NFATC2: variants seen among roughly 807,000 people sequenced by gnomAD.
NFATC2 encodes the protein nuclear factor of activated T cells 2.
NFATC2 carries 22 observed loss-of-function variants against 87.3 expected under a neutral mutation model. The ratio of observed to expected loss-of-function variants is 0.25; its 90% CI spans 0.18 to 0.36. NFATC2 has a LOEUF of 0.36. Ranked by LOEUF, NFATC2 falls within the 10% of genes least tolerant of loss-of-function variation. The probability of loss-of-function intolerance (pLI) is 1.00; values close to 1 mark genes in which losing one functional copy is unlikely to be tolerated. For missense variants in NFATC2, 1,149 were observed against 1,259.1 expected, an observed-to-expected ratio of 0.91 and a Z score of 1.32; for synonymous variants, 565 against 542.2, an observed-to-expected ratio of 1.04 and a Z score of -0.58.
chr20:51,546,234 A>G (rs1282547947), upstream of NFATC2, among the ~76,000 whole-genome samples: 7 of 152,168 alleles, frequency 4.6e-5, no homozygotes, highest in Admixed American at 1.3e-4. Context: ...AGTCTGGACT[A>G]TTGTAGTCAG....
At position 51,524,155 on chromosome 20, in the gene NFATC2, CAG is replaced by C. The variant is rs2076505115; in HGVS notation, c.131-47_131-46del. ...GGGGGTTCTTTTTAAGCCTCAAAAA[CAG>C]AACTCCCGGTGCAGAGCAATCACAG... is the stretch of plus-strand genomic sequence containing the variant. On this transcript the variant is annotated intron_variant, in intron 1 of 10. Coordinates refer to ENST00000371564, the MANE Select transcript of NFATC2 (RefSeq NM_012340.5). The surrounding 1 kb of genome is among the most constrained non-coding windows in gnomAD (Gnocchi z 4.0). The C allele has an allele frequency of 4.2e-6, 6 of 1,417,238 alleles. No homozygotes were observed. Among genetic ancestry groups the C allele is most frequent in the African/African-American group, 1.5e-5 (1 of 66,904 alleles). The allele number at this position is 1,417,238 out of a possible 1,614,324, so 87.8% of individuals were successfully genotyped here.
intron 1 of NFATC2, among the ~76,000 whole-genome samples, chr20:51,528,356 G>A (rs1004420660): frequency 2.6e-5 from 4 of 152,194 alleles, no homozygotes; most frequent in African/African-American, 9.7e-5. Flanking sequence ...GCTGTATAGT[G>A]TGCACAGCAT....
chr20:51,447,725 A>G (rs1204547922), intron 6 of NFATC2, among the ~76,000 whole-genome samples: 1 of 152,256 alleles, frequency 6.6e-6, no homozygotes, highest in Non-Finnish European at 1.5e-5. Context: ...CTTTGCCTGA[A>G]GGGTTACACA....
intron 1 of NFATC2, among the ~76,000 whole-genome samples, chr20:51,532,091 G>A (rs889651121): frequency 2.0e-5 from 3 of 152,144 alleles, no homozygotes; most frequent in Non-Finnish European, 4.4e-5. Context: ...TGAGCCGCTT[G>A]TCATAATCAA....
chr20:51,522,284 C>CG (rs887504189), intron 2 of NFATC2, among the ~76,000 whole-genome samples: 20 of 7,658 alleles, frequency 2.6e-3, no homozygotes, highest in African/African-American at 6.6e-3. Context: ...AAAAGCGGGG[C>CG]GGGGGGGTCG....
chr20:51,427,978 G>C (rs1982102714), intron 9 of NFATC2, among the ~76,000 whole-genome samples: 1 of 152,164 alleles, frequency 6.6e-6, no homozygotes, highest in African/African-American at 2.4e-5. Context: ...TGTTCACTTA[G>C]TGGATCCCTA....
chr20:51,528,411 A>G (rs1238641641), intron 1 of NFATC2, among the ~76,000 whole-genome samples: 3 of 127,328 alleles, frequency 2.4e-5, no homozygotes, highest in Non-Finnish European at 3.7e-5. Context: ...TGTACACACA[A>G]TGTACACAGA....
chr20:51,539,514 C>T (rs1472803081), intron 1 of NFATC2, among the ~76,000 whole-genome samples: 8 of 152,112 alleles, frequency 5.3e-5, no homozygotes, highest in African/African-American at 1.4e-4. Context: ...GACAGGGTTT[C>T]GCACTGTCCC....
At chr20:51,399,561 A>G (rs1046727507) in intron 9 of NFATC2, among the ~76,000 whole-genome samples, 1 of 152,258 alleles carries the variant, frequency 6.6e-6, no homozygotes, top group African/African-American at 2.4e-5. Flanking sequence ...AGAATGCTCA[A>G]TAAATGAGAT....
rs1477926364 is a variant in NFATC2, at chr20:51,529,272, T to C, written c.131-5162A>G. Among the ~76,000 whole-genome samples the C allele has an allele frequency of 2.0e-5, 3 of 152,136 alleles. No individual in the cohort carries two copies. The East Asian group carries it at 5.8e-4, about 29-fold the overall frequency. ...GAAAACACACATCACTCACACTCCC[T>C]AGGAGCTCTGAAAAACAGAAAGCTC... On this transcript the variant is annotated intron_variant, in intron 1 of 10. Transcript: ENST00000371564.
chr20:51,438,405 C>A (rs893780170), intron 6 of NFATC2, among the ~76,000 whole-genome samples: 8 of 144,564 alleles, frequency 5.5e-5, no homozygotes, highest in African/African-American at 2.1e-4. Flanking sequence ...CTGCTACCAA[C>A]AGCATCATTT....
Position 51,432,027 on chromosome 20 carries a change from C to T in NFATC2, c.2722+40G>A, listed in dbSNP as rs570643596. 1.3e-5 allele frequency: 20 copies of T among 1,502,678 alleles called. No homozygotes were observed. The East Asian group carries it at 3.4e-4, about 26-fold the overall frequency. 93.1% of individuals were successfully genotyped at this position (1,502,678 alleles called of 1,614,324 possible). A position where few individuals can be genotyped will look rare whatever the true frequency, so the allele number is the denominator to read the frequency against. ...CTTCCTGGGCAGAGATGCTTCAGGGCACCATCCTTACAGGCAGTGACAAAA... is the reference window on the plus strand; with the variant it reads ...CTTCCTGGGCAGAGATGCTTCAGGGTACCATCCTTACAGGCAGTGACAAAA... On this transcript the variant is annotated intron_variant, in intron 9 of 10. Coordinates refer to ENST00000371564, the MANE Select transcript of NFATC2 (RefSeq NM_012340.5). The surrounding 1 kb of genome is among the most constrained non-coding windows in gnomAD (Gnocchi z 4.6).
chr20:51,519,188 G>T (rs2076401731), intron 2 of NFATC2, among the ~76,000 whole-genome samples: 2 of 152,120 alleles, frequency 1.3e-5, no homozygotes, highest in Admixed American at 1.3e-4. Flanking sequence ...TACAAACTAT[G>T]ACTCCTTAAA....
rs556060763 is a variant in NFATC2 at position 51,523,975 on chromosome 20, G to T, written c.266C>A (p.Pro89Gln). 47 of 1,579,416 alleles carry T rather than the reference G, an allele frequency of 3.0e-5. No individual in the cohort carries two copies. The Middle Eastern group carries it at 5.1e-4, about 17-fold the overall frequency. ...SGEPPGRFGE[P>Q]DRVGPQKFLS... ...AAACTTCTGCGGCCCTACCCTATCCGGCTCTCCGAATCGGCCGGGGGGCTC... is the reference window on the plus strand; with the variant it reads ...AAACTTCTGCGGCCCTACCCTATCCTGCTCTCCGAATCGGCCGGGGGGCTC... Residue 89 changes from proline to glutamine, a missense_variant, in exon 2 of 11, where the codon CCG becomes CAG. Pro to Gln is a moderately conservative substitution (Grantham distance 76). Coordinates refer to ENST00000371564, the MANE Select transcript of NFATC2 (RefSeq NM_012340.5). This position sits in a 1 kb window ranked among gnomAD's most constrained non-coding sequence, Gnocchi z 6.9.
chr20:51,398,774 A>C, intron 9 of NFATC2, 44 bp from the exon 10 acceptor site: 1 of 1,159,168 alleles, frequency 8.6e-7, no homozygotes, highest in East Asian at 2.4e-5. Context: ...AAAAAAAAAA[A>C]TCACCTTTGA....
intron 9 of NFATC2, among the ~76,000 whole-genome samples, chr20:51,419,951 A>G (rs998265902): frequency 2.6e-5 from 4 of 152,200 alleles, no homozygotes; most frequent in African/African-American, 9.7e-5. Context: ...AACTACCAAA[A>G]AAAAGCCCAT....
intron 10 of NFATC2, among the ~76,000 whole-genome samples, chr20:51,396,349 T>C (rs530784565): frequency 6.6e-6 from 1 of 152,026 alleles, no homozygotes; most frequent in Non-Finnish European, 1.5e-5. Flanking sequence ...CAGGATTACA[T>C]GGGGAAAACA....
intron 1 of NFATC2, among the ~76,000 whole-genome samples, chr20:51,530,420 C>A (rs1048689157): frequency 2.0e-5 from 3 of 152,148 alleles, no homozygotes; most frequent in Non-Finnish European, 2.9e-5. Context: ...CTGCCCACCT[C>A]GGCCTGCCAA....
chr20:51,498,462 G>A (rs1207354329), intron 3 of NFATC2, among the ~76,000 whole-genome samples: 1 of 152,162 alleles, frequency 6.6e-6, no homozygotes, highest in Non-Finnish European at 1.5e-5. Flanking sequence ...TGGAAGGGAG[G>A]AGGAAAGGAA....
Sources: gnomAD v4.1 joint callset for allele counts (sites outside exome capture counted in the v4.1 genomes callset) on GRCh38, gnomAD v4.1.1 for gene constraint, Gnocchi (gnomAD v3.1) non-coding constraint, MANE v1.5 for transcripts, NCBI Gene and HGNC (gene_info 2026-07-23, HGNC 2026-07-21) for gene names.